The following ASF1B variants were observed in gnomAD, a reference collection of about 807,000 sequenced individuals.
ASF1B encodes anti-silencing function 1B histone chaperone, also known as histone chaperone ASF1B.
ASF1B carries 10 observed loss-of-function variants against 16.6 expected under a neutral mutation model. The ratio of observed to expected loss-of-function variants is 0.60; its 90% CI spans 0.37 to 1.02. The LOEUF (loss-of-function observed/expected upper bound fraction) is 1.02, where lower values mean the gene tolerates loss of function less well. Among genes scored for constraint, ASF1B ranks in the 50% least tolerant of loss-of-function variants. ASF1B has a pLI of 0.01. For missense variants in ASF1B, 240 were observed against 266.0 expected (o/e 0.90, Z 0.68); for synonymous variants, 101 against 106.2 (o/e 0.95, Z 0.30).
intron 2 of ASF1B, among the ~76,000 whole-genome samples, chr19:14,121,992 G>A (rs1208681066): frequency 6.6e-6 from 1 of 150,616 alleles, no homozygotes; most frequent in Non-Finnish European, 1.5e-5. Context: ...GTGCAATGGT[G>A]CGATCTCGGC....
intron 1 of ASF1B, among the ~76,000 whole-genome samples, chr19:14,128,177 C>A (rs1967346371): frequency 6.6e-6 from 1 of 152,214 alleles, no homozygotes; most frequent in African/African-American, 2.4e-5. Flanking sequence ...AACCCTTCAG[C>A]TCTAGCAGCT....
chr19:14,122,700 A>G (rs927771623), intron 2 of ASF1B, among the ~76,000 whole-genome samples: 3 of 152,142 alleles, frequency 2.0e-5, no homozygotes, highest in African/African-American at 7.2e-5. Context: ...CAATCCCACA[A>G]ATGACTACAA....
intron 1 of ASF1B, among the ~76,000 whole-genome samples, chr19:14,133,045 G>A (rs113486718): frequency 0.021 from 3,158 of 151,866 alleles, 43 homozygotes; most frequent in South Asian, 0.038. Context: ...GCGTGAACCC[G>A]GGAGGCGGAG....
rs999569755 is a variant in ASF1B at position 14,119,668 on chromosome 19, C to A, written c.*791G>T. 6.6e-6 allele frequency: 1 copy of A among 152,650 alleles called. No individual in the cohort carries two copies. The highest frequency in any genetic ancestry group is 2.4e-5 in the African/African-American group (1 of 41,436). The allele number at this position is 152,650 out of a possible 1,614,324, so 9.5% of individuals were successfully genotyped here. ...GCTGGGGAGGGACAGTTTTCAGGGTCCCAGTTGCTTCCCTGGCTTGAAATC... is the reference window on the plus strand; with the variant it reads ...GCTGGGGAGGGACAGTTTTCAGGGTACCAGTTGCTTCCCTGGCTTGAAATC... On this transcript the variant is annotated 3_prime_UTR_variant, in exon 4 of 4. Coordinates refer to ENST00000263382, the MANE Select transcript of ASF1B (RefSeq NM_018154.3).
chr19:14,130,032 C>T (rs765790581), intron 1 of ASF1B, among the ~76,000 whole-genome samples: 10 of 151,328 alleles, frequency 6.6e-5, no homozygotes, highest in Admixed American at 4.0e-4. Flanking sequence ...ATTAGCTGGG[C>T]GTGGTGGTGT....
intron 1 of ASF1B, among the ~76,000 whole-genome samples, chr19:14,127,037 T>C (rs767875161): frequency 2.4e-4 from 37 of 152,246 alleles, no homozygotes; most frequent in Non-Finnish European, 4.4e-4. Context: ...TCCTCCTGCC[T>C]CGGACTCCCA....
At chr19:14,126,368 G>A (rs1312587867) in intron 1 of ASF1B, 131 bp from the exon 2 acceptor site, 11 of 630,392 alleles carry the variant, frequency 1.7e-5, no homozygotes, top group African/African-American at 1.3e-4. Flanking sequence ...ACAGTGATGC[G>A]ATCTCAGCTC....
intron 1 of ASF1B, among the ~76,000 whole-genome samples, chr19:14,135,509 G>C (rs1306203449): frequency 6.6e-6 from 1 of 152,190 alleles, no homozygotes; most frequent in African/African-American, 2.4e-5. Context: ...CCAGGTTCCA[G>C]GGTATGTGCA....
chr19:14,123,673 C>T (rs533723564), intron 2 of ASF1B, among the ~76,000 whole-genome samples: 3 of 152,120 alleles, frequency 2.0e-5, no homozygotes, highest in Admixed American at 2.0e-4. Context: ...AGCCACTGCA[C>T]CGGCCTTCTT....
chr19:14,120,763 G>T (rs1967223493), intron 3 of ASF1B, 98 bp from the exon 4 acceptor site: 9 of 1,053,126 alleles, frequency 8.5e-6, no homozygotes, highest in Non-Finnish European at 1.3e-5. Context: ...AGCCCAGCAA[G>T]AGCAACCTAC....
intron 2 of ASF1B, among the ~76,000 whole-genome samples, chr19:14,124,444 G>T (rs996681287): frequency 1.3e-4 from 20 of 152,108 alleles, no homozygotes; most frequent in African/African-American, 4.3e-4. Flanking sequence ...CACCCGGCCA[G>T]AATCTACATT....
intron 1 of ASF1B, among the ~76,000 whole-genome samples, chr19:14,128,122 T>G (rs1427170058): frequency 6.6e-6 from 1 of 151,362 alleles, no homozygotes; most frequent in Non-Finnish European, 1.5e-5. Context: ...CAGGGAGGCT[T>G]GGCAAGAGGC....
Position 14,122,578 on chromosome 19 carries a change from T to A in ASF1B, c.226-870A>T, listed in dbSNP as rs562588447. On this transcript the variant is annotated intron_variant, in intron 2 of 3. Transcript: ENST00000263382. ...TTTCTCCATGTTGCCCAGGCTGGTC[T>A]CAAACTCCTGGGCTCAAGCGATCCT... Among the ~76,000 whole-genome samples the A allele has an allele frequency of 4.6e-5, 7 of 152,226 alleles. No individual in the cohort carries two copies. In the East Asian group the frequency reaches 1.4e-3, roughly 29 times the overall value.
chr19:14,125,972 C>T lies in ASF1B; in HGVS notation c.225+150G>A. The T allele has an allele frequency of 5.1e-6, 3 of 590,546 alleles. No individual in the cohort carries two copies. In the South Asian group the frequency reaches 6.7e-5, roughly 13 times the overall value. 36.6% of individuals were successfully genotyped at this position (590,546 alleles called of 1,614,324 possible). On this transcript the variant is annotated intron_variant, in intron 2 of 3. Transcript: ENST00000263382. Reference sequence around the variant, plus strand: ...TCCCGGGCTCAAGCAATCCTCTCACCTCAGTCCCTGGAGTAGCTGGGTCTA... The same window carrying T: ...TCCCGGGCTCAAGCAATCCTCTCACTTCAGTCCCTGGAGTAGCTGGGTCTA...
intron 1 of ASF1B, among the ~76,000 whole-genome samples, chr19:14,131,050 G>A (rs148729333): frequency 2.0e-5 from 3 of 151,898 alleles, no homozygotes; most frequent in East Asian, 3.9e-4. Flanking sequence ...GCTAACTTTT[G>A]TATTTTTAGT....
At chr19:14,124,292 G>C (rs955681283) in intron 2 of ASF1B, among the ~76,000 whole-genome samples, 1 of 151,986 alleles carries the variant, frequency 6.6e-6, no homozygotes, top group Non-Finnish European at 1.5e-5. Flanking sequence ...TAGCTGGGAC[G>C]ACAGGTGCAA....
Position 14,136,330 on chromosome 19 carries a change from G to C in ASF1B, c.109+18C>G. The C allele has an allele frequency of 6.2e-7, 1 of 1,603,516 alleles. No homozygotes were observed. The highest frequency in any genetic ancestry group is 8.5e-7 in the Non-Finnish European group (1 of 1,172,902). The stretch of plus-strand genomic sequence containing the variant: ...GGTCGGCCCGGGGGTGGGGGTCCCC[G>C]CACAGGCCCAGCCTCACCGTCCGCC... On this transcript the variant is annotated intron_variant, in intron 1 of 3. Coordinates refer to ENST00000263382, the MANE Select transcript of ASF1B (RefSeq NM_018154.3).
intron 2 of ASF1B, among the ~76,000 whole-genome samples, chr19:14,125,871 GTT>G (rs1394418424): frequency 1.3e-5 from 2 of 151,502 alleles, no homozygotes; most frequent in African/African-American, 2.4e-5. Context: ...TTTAATACTT[GTT>G]TTTTTCTTTT....
intron 1 of ASF1B, among the ~76,000 whole-genome samples, chr19:14,133,493 C>T (rs1220240459): frequency 6.6e-6 from 1 of 152,020 alleles, no homozygotes; most frequent in Non-Finnish European, 1.5e-5. Context: ...GATGGTGAAA[C>T]CCCGTCTCTA....
Sources: allele counts gnomAD v4.1 joint callset (sites outside exome capture counted in the v4.1 genomes callset), GRCh38; gene constraint gnomAD v4.1.1; transcripts MANE v1.5; gene names NCBI Gene and HGNC (gene_info 2026-07-23, HGNC 2026-07-21).